The following TP63 variants were observed in gnomAD, a reference collection of about 807,000 sequenced individuals.
TP63 encodes tumor protein p63, also known as tumor protein 63.
In TP63, 17 loss-of-function variants were observed where a neutral mutation model predicts 82.8. The observed-to-expected ratio is 0.21, with a 90% CI of 0.14 to 0.31. The LOEUF is 0.31. Ranked by LOEUF, TP63 falls within the 10% of genes least tolerant of loss-of-function variation. The pLI, the probability that TP63 is intolerant of heterozygous loss-of-function variation, is 1.00. For missense variants in TP63, 648 were observed against 895.3 expected (o/e 0.72, Z 3.52); for synonymous variants, 330 against 321.7 (o/e 1.03, Z -0.28).
At chr3:189,709,942 TG>T (rs1718474414) in intron 1 of TP63, among the ~76,000 whole-genome samples, 1 of 152,186 alleles carries the variant, frequency 6.6e-6, no homozygotes, top group African/African-American at 2.4e-5. Context: ...ATTTTATAAA[TG>T]AATAAACATA....
chr3:189,668,834 G>A (rs141343369), intron 1 of TP63, among the ~76,000 whole-genome samples: 5,870 of 151,968 alleles, frequency 0.039, 145 homozygotes, highest in Middle Eastern at 0.054. Context: ...GCAACACAAG[G>A]AGACCTTATC....
At chr3:189,676,061 G>A (rs1163712342) in intron 1 of TP63, among the ~76,000 whole-genome samples, 1 of 151,972 alleles carries the variant, frequency 6.6e-6, no homozygotes, top group Non-Finnish European at 1.5e-5. Flanking sequence ...GATTTATATT[G>A]TATAACATTA....
intron 3 of TP63, among the ~76,000 whole-genome samples, chr3:189,765,577 T>C (rs13066461): frequency 6.6e-6 from 1 of 151,400 alleles, no homozygotes; most frequent in East Asian, 2.0e-4. Context: ...GGACTACAGG[T>C]GCCCACCAAA....
intron 4 of TP63, among the ~76,000 whole-genome samples, chr3:189,849,840 A>G (rs1217051357): frequency 6.6e-6 from 1 of 152,138 alleles, no homozygotes; most frequent in Non-Finnish European, 1.5e-5. Context: ...AAATTAGGAG[A>G]AGAAGGTTTG....
At chr3:189,827,897 G>A (rs1186603813) in intron 4 of TP63, among the ~76,000 whole-genome samples, 1 of 152,142 alleles carries the variant, frequency 6.6e-6, no homozygotes, top group African/African-American at 2.4e-5. Flanking sequence ...TGGAGGTAGG[G>A]AGACTAAAAG....
chr3:189,885,878 A>G (rs1268371065), intron 10 of TP63, among the ~76,000 whole-genome samples: 1 of 152,250 alleles, frequency 6.6e-6, no homozygotes, highest in East Asian at 1.9e-4. Context: ...CATGACAGCA[A>G]GATGAGCTGC....
At chr3:189,796,886 G>A (rs1725762207) in intron 3 of TP63, among the ~76,000 whole-genome samples, 1 of 152,038 alleles carries the variant, frequency 6.6e-6, no homozygotes, top group African/African-American at 2.4e-5. Flanking sequence ...TGATTTTGAA[G>A]TTGTTCAAGC....
At chr3:189,671,920 T>C (rs1714925200) in intron 1 of TP63, among the ~76,000 whole-genome samples, 2 of 152,118 alleles carry the variant, frequency 1.3e-5, no homozygotes, top group South Asian at 2.1e-4. Flanking sequence ...AGGAAAAAGC[T>C]GGTTAAGGTA....
chr3:189,810,880 A>AC (rs1489375521), intron 4 of TP63, among the ~76,000 whole-genome samples: 15 of 143,674 alleles, frequency 1.0e-4, no homozygotes, highest in Non-Finnish European at 1.9e-4. Context: ...AAAAAATTAA[A>AC]GTTATTTTCA....
intron 1 of TP63, among the ~76,000 whole-genome samples, chr3:189,703,507 C>G (rs1717975682): frequency 6.6e-6 from 1 of 151,388 alleles, no homozygotes; most frequent in South Asian, 2.1e-4. Context: ...ATCCGTAGGT[C>G]TTCCTATTGA....
At chr3:189,742,629 G>A (rs561949267) in intron 3 of TP63, among the ~76,000 whole-genome samples, 5 of 152,250 alleles carry the variant, frequency 3.3e-5, no homozygotes, top group Admixed American at 6.5e-5. Context: ...AGCCCTTAGC[G>A]TAGTGCCCTA....
At chr3:189,842,573 T>C (rs552263600) in intron 4 of TP63, among the ~76,000 whole-genome samples, 1 of 151,898 alleles carries the variant, frequency 6.6e-6, no homozygotes, top group African/African-American at 2.4e-5. Flanking sequence ...AATGTCCAGG[T>C]TTGTTTTATT....
the TP63 span, among the ~76,000 whole-genome samples, chr3:189,623,094 G>T: frequency 6.6e-6 from 1 of 152,060 alleles, no homozygotes; most frequent in African/African-American, 2.4e-5. Flanking sequence ...TATATTTCAA[G>T]AAGCTACACC....
chr3:189,871,986 G>A (rs1388062014), intron 9 of TP63, among the ~76,000 whole-genome samples: 1 of 152,138 alleles, frequency 6.6e-6, no homozygotes, highest in Non-Finnish European at 1.5e-5. Context: ...GGGATTGTAG[G>A]TGTGAGCCAC....
chr3:189,864,449 A>G, intron 5 of TP63, 31 bp downstream of exon 5: 3 of 1,597,822 alleles, frequency 1.9e-6, no homozygotes, highest in South Asian at 1.1e-5. Context: ...TAACTGTTCA[A>G]CCTCCTTGAA....
At chr3:189,881,376 C>G in intron 10 of TP63, 1 of 985,386 alleles carries the variant, frequency 1.0e-6, no homozygotes. Context: ...CCTCCATCTT[C>G]CCACACCCAG....
At chr3:189,836,323 C>G (rs1447700985) in intron 4 of TP63, among the ~76,000 whole-genome samples, 1 of 152,110 alleles carries the variant, frequency 6.6e-6, no homozygotes, top group Non-Finnish European at 1.5e-5. Flanking sequence ...GGTTTACAAA[C>G]ATGATCAGCA....
At chr3:189,620,845 C>A in the TP63 span, among the ~76,000 whole-genome samples, 1,927 of 152,310 alleles carry the variant, frequency 0.013, 45 homozygotes, top group African/African-American at 0.044. Context: ...CCGTACCACA[C>A]ATCTTTCATG....
chr3:189,836,001 C>A (rs11710350), intron 4 of TP63, among the ~76,000 whole-genome samples: 56,770 of 149,608 alleles, frequency 0.38, 10,995 homozygotes, highest in East Asian at 0.5. Flanking sequence ...TTGGCTCACG[C>A]GTCAGACTTC....
Sources: allele counts gnomAD v4.1 joint callset (sites outside exome capture counted in the v4.1 genomes callset), GRCh38; gene constraint gnomAD v4.1.1; transcripts MANE v1.5; gene names NCBI Gene and HGNC (gene_info 2026-07-23, HGNC 2026-07-21).